The following SLC43A2 variants were observed in gnomAD, a reference collection of about 807,000 sequenced individuals.
SLC43A2 encodes solute carrier family 43 member 2, also known as large neutral amino acids transporter small subunit 4.
A neutral mutation model predicts 63.2 loss-of-function variants in SLC43A2; 38 were observed. That is an observed-to-expected ratio of 0.60 (90% CI 0.46 to 0.79). SLC43A2 has a LOEUF of 0.79. Among genes scored for constraint, SLC43A2 ranks in the 30% least tolerant of loss-of-function variants. The probability of loss-of-function intolerance (pLI) is 0.00; values close to 1 mark genes in which losing one functional copy is unlikely to be tolerated. For missense variants in SLC43A2, 644 were observed against 756.2 expected, an observed-to-expected ratio of 0.85 and a Z score of 1.74; for synonymous variants, 322 against 331.0, an observed-to-expected ratio of 0.97 and a Z score of 0.30.
chr17:1,608,298 ACT>A, intron 5 of SLC43A2, among the ~76,000 whole-genome samples: 1 of 151,850 alleles, frequency 6.6e-6, no homozygotes, highest in South Asian at 2.1e-4. Context: ...TGATCAGGTG[ACT>A]CTCTTGCCTG....
In SLC43A2 at chr17:1,592,337, G is replaced by T. The variant is rs1431974241; in HGVS notation, c.595-638C>A. ...AGCTCCTTGGGAGGCTGAGGCAGGA[G>T]AATCACTTGAACCTGGGAGGTGGAG... On this transcript the variant is annotated intron_variant, in intron 6 of 13. Transcript: ENST00000301335. Among the ~76,000 whole-genome samples, 5 of 152,214 alleles carry T rather than the reference G, an allele frequency of 3.3e-5. No homozygotes were observed. The East Asian group carries it at 5.8e-4, about 18-fold the overall frequency.
intron 5 of SLC43A2, among the ~76,000 whole-genome samples, chr17:1,602,794 T>C (rs2151061315): frequency 6.7e-6 from 1 of 149,920 alleles, no homozygotes; most frequent in South Asian, 2.1e-4. Flanking sequence ...GTTTCGCTCT[T>C]ATTGCCCAGG....
chr17:1,591,383 G>C lies in SLC43A2; in HGVS notation c.817C>G (p.Leu273Val). ...YKQVTTVGRR[L>V]SVGSSMRSAK... The stretch of plus-strand genomic sequence containing the variant: ...CTCCTCATGGAGCTGCCCACACTCA[G>C]GCGCCGGCCCACCGTGGTCACCTGC... The change falls in exon 8 of 14, where the codon CTG (leucine) becomes GTG (valine). Residue 273 changes from leucine (L) to valine (V), a missense_variant. Leu to Val is a conservative substitution (Grantham distance 32, BLOSUM62 1). Transcript: ENST00000301335. 6.2e-7 allele frequency: 1 copy of C among 1,612,578 alleles called. No homozygotes were observed. The highest frequency in any genetic ancestry group is 8.5e-7 in the Non-Finnish European group (1 of 1,179,986).
chr17:1,616,910 C>T (rs575908077), intron 2 of SLC43A2, 141 bp from the exon 3 acceptor site: 197 of 899,692 alleles, frequency 2.2e-4, no homozygotes, highest in Non-Finnish European at 3.1e-4. Context: ...CAGGCTACCC[C>T]GCAGCAGGCT....
intron 13 of SLC43A2, 76 bp downstream of exon 13, chr17:1,576,521 C>G (rs940339499): frequency 5.4e-5 from 82 of 1,511,002 alleles, no homozygotes; most frequent in Non-Finnish European, 7.0e-5. Context: ...CTGAAGCCCC[C>G]GAGGGGGACC....
chr17:1,595,783 C>T (rs894400813), intron 5 of SLC43A2, among the ~76,000 whole-genome samples: 1 of 151,906 alleles, frequency 6.6e-6, no homozygotes, highest in Non-Finnish European at 1.5e-5. Context: ...CACTATATTG[C>T]CCAGGCTAGA....
rs1402728290 is a variant in SLC43A2 at position 1,569,768 on chromosome 17, G to A, written c.*5836C>T. 1 of 152,028 alleles carries A rather than the reference G, an allele frequency of 6.6e-6. No homozygotes were observed. Among genetic ancestry groups the A allele is most frequent in the Non-Finnish European group, 1.5e-5 (1 of 68,018 alleles). 9.4% of individuals were successfully genotyped at this position (152,028 alleles called of 1,614,324 possible). A position where few individuals can be genotyped will look rare whatever the true frequency, so the allele number is the denominator to read the frequency against. ...TTATCTCGAGCAGCTATTTGGCCAA[G>A]TCTTACCAAAACGTGAAAGCCACAA... On this transcript the variant is annotated 3_prime_UTR_variant, in exon 14 of 14. Coordinates refer to ENST00000301335, the MANE Select transcript of SLC43A2 (RefSeq NM_152346.3).
rs1011487132 is a variant in SLC43A2 at position 1,570,547 on chromosome 17, C to G, written c.*5057G>C. On this transcript the variant is annotated 3_prime_UTR_variant, in exon 14 of 14. Transcript: ENST00000301335. ...TGTCGCCCAGGCTGGAGTGCAGTGG[C>G]GGGATCTCGGCTCACTGCAAGCTCC... The G allele has an allele frequency of 1.4e-5, 2 of 145,112 alleles. No homozygotes were observed. Among genetic ancestry groups the G allele is most frequent in the African/African-American group, 5.2e-5 (2 of 38,616 alleles). 9.0% of individuals were successfully genotyped at this position (145,112 alleles called of 1,614,324 possible).
At chr17:1,591,017 C>G (rs1904716531) in intron 8 of SLC43A2, 69 bp from the exon 9 acceptor site, 1 of 1,511,134 alleles carries the variant, frequency 6.6e-7, no homozygotes, top group African/African-American at 1.4e-5. Context: ...ACACGCAGAT[C>G]CCTCCACGCT....
intron 5 of SLC43A2, among the ~76,000 whole-genome samples, chr17:1,610,260 T>G (rs1041657980): frequency 6.6e-5 from 10 of 151,376 alleles, no homozygotes; most frequent in Non-Finnish European, 1.3e-4. Context: ...TCTGAAATGT[T>G]AAATTTTTAC....
chr17:1,613,186 T>G lies in SLC43A2; in HGVS notation c.501+9A>C, dbSNP rs7219369. 2.5e-6 allele frequency: 4 copies of G among 1,610,408 alleles called. No homozygotes were observed. Among genetic ancestry groups the G allele is most frequent in the Non-Finnish European group, 3.4e-6 (4 of 1,176,988 alleles). On this transcript the variant is annotated intron_variant, in intron 5 of 13. Transcript: ENST00000301335. ...CTGAACTACAGAGCTTTAAAAAATC[T>G]GTACTCACTGTTAATGAGGTGAAGG...
At chr17:1,629,603 A>C (rs1479649973), upstream of SLC43A2, among the ~76,000 whole-genome samples, 1 of 151,976 alleles carries the variant, frequency 6.6e-6, no homozygotes, top group African/African-American at 2.4e-5. Context: ...CATCAGACTG[A>C]CCTTTCTCCG....
chr17:1,612,828 C>T (rs752143703), intron 5 of SLC43A2, among the ~76,000 whole-genome samples: 17 of 152,304 alleles, frequency 1.1e-4, no homozygotes, highest in Middle Eastern at 3.4e-3. Context: ...AAAAATTAGC[C>T]GGGTGTGGTG....
In SLC43A2 at chr17:1,605,060, C is replaced by A. The variant is rs1906470294; in HGVS notation, c.501+8135G>T. 4.4e-6 allele frequency: 4 copies of A among 902,246 alleles called. No individual in the cohort carries two copies. Among genetic ancestry groups the A allele is most frequent in the Non-Finnish European group, 6.1e-6 (4 of 659,496 alleles). The allele number at this position is 902,246 out of a possible 1,614,324, so 55.9% of individuals were successfully genotyped here. A position where few individuals can be genotyped will look rare whatever the true frequency, so the allele number is the denominator to read the frequency against. On this transcript the variant is annotated intron_variant, in intron 5 of 13. Transcript: ENST00000301335. This position sits in a 1 kb window ranked among gnomAD's most constrained non-coding sequence, Gnocchi z 4.9. ...GCCAAGCAGGAAGCCGGAGCTGTTT[C>A]CTGACTCACCACCACACTCACAGGT...
intron 11 of SLC43A2, among the ~76,000 whole-genome samples, chr17:1,579,204 T>C (rs1031500582): frequency 2.5e-4 from 38 of 150,542 alleles, no homozygotes; most frequent in African/African-American, 9.3e-4. Flanking sequence ...CTCACACCTG[T>C]AGTCCCAGCA....
At chr17:1,590,979 G>A (rs957450168) in intron 8 of SLC43A2, 31 bp from the exon 9 acceptor site, 4 of 1,545,898 alleles carry the variant, frequency 2.6e-6, no homozygotes, top group African/African-American at 1.4e-5. Flanking sequence ...GCTCAGGGCC[G>A]GGGCACACTG....
At chr17:1,607,434 C>G (rs1210392233) in intron 5 of SLC43A2, among the ~76,000 whole-genome samples, 1 of 152,180 alleles carries the variant, frequency 6.6e-6, no homozygotes, top group Non-Finnish European at 1.5e-5. Context: ...TCAGCCCTGT[C>G]CTCACTGACC....
intron 5 of SLC43A2, among the ~76,000 whole-genome samples, chr17:1,611,897 A>G (rs1907140410): frequency 3.1e-5 from 1 of 32,616 alleles, no homozygotes; most frequent in Non-Finnish European, 7.2e-5. Flanking sequence ...CAATTGCCCA[A>G]CTGGGCGAGC....
Position 1,575,323 on chromosome 17 carries a change from C to G in SLC43A2, c.*281G>C. ...GCGCCTGCCTGCCGGGCGTTCCTGG[C>G]TCCTGCTGCAGGCACCACAGAGACC... On this transcript the variant is annotated 3_prime_UTR_variant, in exon 14 of 14. Transcript: ENST00000301335. 1 of 518,600 alleles carries G rather than the reference C, an allele frequency of 1.9e-6. No individual in the cohort carries two copies. The highest frequency in any genetic ancestry group is 3.6e-5 in the East Asian group (1 of 27,708). The allele number at this position is 518,600 out of a possible 1,614,324, so 32.1% of individuals were successfully genotyped here. A position where few individuals can be genotyped will look rare whatever the true frequency, so the allele number is the denominator to read the frequency against.
Sources: gnomAD v4.1 joint callset for allele counts (sites outside exome capture counted in the v4.1 genomes callset) on GRCh38, gnomAD v4.1.1 for gene constraint, Gnocchi (gnomAD v3.1) non-coding constraint, MANE v1.5 for transcripts, NCBI Gene and HGNC (gene_info 2026-07-23, HGNC 2026-07-21) for gene names.